Variants in JAZF1 observed in about 807,000 individuals in gnomAD.
JAZF1 encodes the protein JAZF zinc finger 1.
In JAZF1, 8 loss-of-function variants were observed where a neutral mutation model predicts 26.4. The observed-to-expected ratio is 0.30, with a 90% confidence interval of 0.18 to 0.55. The LOEUF (loss-of-function observed/expected upper bound fraction) is 0.55. Ranked by LOEUF, JAZF1 falls within the 20% of genes least tolerant of loss-of-function variation. The probability of loss-of-function intolerance (pLI) is 0.94; values close to 1 mark genes in which losing one functional copy is unlikely to be tolerated. For synonymous variants in JAZF1, 126 were observed against 122.3 expected, an observed-to-expected ratio of 1.03 and a Z score of -0.20; for missense variants, 199 against 322.0, an observed-to-expected ratio of 0.62 and a Z score of 2.92.
intron 1 of JAZF1, among the ~76,000 whole-genome samples, chr7:27,996,287 G>T (rs995277767): frequency 6.6e-6 from 1 of 152,178 alleles, no homozygotes; most frequent in Non-Finnish European, 1.5e-5. Flanking sequence ...GCCTCTAAGG[G>T]CAATGTGCTA....
intron 1 of JAZF1, among the ~76,000 whole-genome samples, chr7:28,171,630 G>A (rs907467027): frequency 4.6e-5 from 7 of 152,072 alleles, no homozygotes; most frequent in Non-Finnish European, 8.8e-5. Context: ...TATTTATTGA[G>A]GTAAAAGAGG....
In JAZF1 at chr7:28,180,784, G is replaced by T; in HGVS notation, c.-207C>A. ...AGCCACCGGGAGGCAGAGGGGAGGC[G>T]GCGGCTGCGGCGGCGGCGTCGGGAG... is the stretch of plus-strand genomic sequence containing the variant. On this transcript the variant is annotated 5_prime_UTR_variant, in exon 1 of 5. Transcript: ENST00000283928. 1 of 307,782 alleles carries T rather than the reference G, an allele frequency of 3.2e-6. No individual in the cohort carries two copies. Among genetic ancestry groups the T allele is most frequent in the South Asian group, 1.5e-4 (1 of 6,852 alleles). The allele number at this position is 307,782 out of a possible 1,614,324, so 19.1% of individuals were successfully genotyped here.
chr7:27,863,600 C>G (rs1783418874), intron 3 of JAZF1, among the ~76,000 whole-genome samples: 1 of 152,166 alleles, frequency 6.6e-6, no homozygotes, highest in African/African-American at 2.4e-5. Context: ...TCCCCCAGCA[C>G]TGGAATGCAA....
chr7:27,882,188 A>G (rs1204623076), intron 3 of JAZF1, among the ~76,000 whole-genome samples: 1 of 152,142 alleles, frequency 6.6e-6, no homozygotes, highest in African/African-American at 2.4e-5. Flanking sequence ...GATAGAAAAC[A>G]CAGTACATCA....
At chr7:27,876,003 G>C (rs976936668) in intron 3 of JAZF1, among the ~76,000 whole-genome samples, 1 of 152,220 alleles carries the variant, frequency 6.6e-6, no homozygotes, top group Non-Finnish European at 1.5e-5. Context: ...CCTGGGTTAA[G>C]ATCCAGGCAC....
chr7:27,971,918 T>C (rs556087451), intron 2 of JAZF1, among the ~76,000 whole-genome samples: 1 of 152,282 alleles, frequency 6.6e-6, no homozygotes, highest in South Asian at 2.1e-4. Flanking sequence ...GGGAGGGCAA[T>C]GCAATATACA....
intron 1 of JAZF1, among the ~76,000 whole-genome samples, chr7:28,160,167 T>C (rs1016437584): frequency 1.3e-5 from 2 of 151,702 alleles, no homozygotes; most frequent in Non-Finnish European, 2.9e-5. Flanking sequence ...TAAAATCTCA[T>C]GAGGAGGGAT....
At chr7:27,920,555 C>T (rs532090119) in intron 2 of JAZF1, among the ~76,000 whole-genome samples, 2 of 152,262 alleles carry the variant, frequency 1.3e-5, no homozygotes, top group South Asian at 4.1e-4. Context: ...CCCATCCTGA[C>T]ATCAGAAAAA....
intron 2 of JAZF1, among the ~76,000 whole-genome samples, chr7:27,914,036 A>G (rs1037004548): frequency 1.3e-5 from 2 of 152,212 alleles, no homozygotes; most frequent in African/African-American, 4.8e-5. Context: ...AATCGAATGA[A>G]TAAGAGGGGC....
intron 1 of JAZF1, among the ~76,000 whole-genome samples, chr7:28,140,346 G>A (rs965300770): frequency 6.6e-6 from 1 of 152,094 alleles, no homozygotes; most frequent in African/African-American, 2.4e-5. Context: ...GCCTCCCAAA[G>A]TGCTGGGATT....
intron 2 of JAZF1, among the ~76,000 whole-genome samples, chr7:27,926,039 G>A (rs976662299): frequency 4.6e-5 from 7 of 152,246 alleles, no homozygotes; most frequent in African/African-American, 7.2e-5. Context: ...CCCCAAAGGG[G>A]AGTGATGTTA....
chr7:28,160,651 G>T (rs1476798083), intron 1 of JAZF1, among the ~76,000 whole-genome samples: 1 of 151,630 alleles, frequency 6.6e-6, no homozygotes, highest in African/African-American at 2.4e-5. Context: ...CATCTCATCA[G>T]AAGGTGGCCC....
chr7:28,076,256 G>A (rs1396505487), intron 1 of JAZF1, among the ~76,000 whole-genome samples: 2 of 152,194 alleles, frequency 1.3e-5, no homozygotes. Context: ...ATGGGAAGGT[G>A]CTTAATGTTC....
At chr7:27,905,120 G>C (rs950239021) in intron 2 of JAZF1, among the ~76,000 whole-genome samples, 1 of 134,562 alleles carries the variant, frequency 7.4e-6, no homozygotes, top group African/African-American at 3.0e-5. Context: ...TTTTTGTAGA[G>C]CACCACATCC....
intron 1 of JAZF1, among the ~76,000 whole-genome samples, chr7:28,015,167 G>A (rs974992582): frequency 6.6e-6 from 1 of 152,004 alleles, no homozygotes; most frequent in South Asian, 2.1e-4. Flanking sequence ...CAGAGTCCTC[G>A]AAGCACCTCG....
intron 4 of JAZF1, among the ~76,000 whole-genome samples, chr7:27,837,391 C>A (rs1351403741): frequency 2.0e-5 from 3 of 152,232 alleles, no homozygotes; most frequent in African/African-American, 7.2e-5. Flanking sequence ...GAAAAGAATC[C>A]TCCCATGGCT....
At chr7:28,179,921 C>G (rs888917069) in intron 1 of JAZF1, among the ~76,000 whole-genome samples, 8 of 145,826 alleles carry the variant, frequency 5.5e-5, no homozygotes, top group Admixed American at 2.7e-4. Flanking sequence ...CCCCGCCCCC[C>G]CGCTCCACCT....
chr7:27,836,186 G>T, intron 4 of JAZF1, among the ~76,000 whole-genome samples: 1 of 152,188 alleles, frequency 6.6e-6, no homozygotes, highest in East Asian at 1.9e-4. Flanking sequence ...AATCTTACCA[G>T]TTGGGAGGAA....
chr7:28,176,893 CT>C (rs936711107), intron 1 of JAZF1, among the ~76,000 whole-genome samples: 3 of 151,894 alleles, frequency 2.0e-5, no homozygotes, highest in Admixed American at 2.0e-4. Context: ...TTTAGTGCTC[CT>C]GGTGTTTCTA....
Sources: allele counts gnomAD v4.1 joint callset (sites outside exome capture counted in the v4.1 genomes callset), GRCh38; gene constraint gnomAD v4.1.1; transcripts MANE v1.5; gene names NCBI Gene and HGNC (gene_info 2026-07-23, HGNC 2026-07-21).